Variants in ACOXL observed in about 807,000 individuals in gnomAD.
ACOXL encodes acyl-coenzyme A oxidase-like protein.
In ACOXL, 70 loss-of-function variants were observed where a neutral mutation model predicts 71.9. That is an observed-to-expected ratio of 0.97 (90% confidence interval 0.80 to 1.19). The LOEUF is 1.19. ACOXL is among the 50% of genes most tolerant of loss of function. The probability of loss-of-function intolerance (pLI) is 0.00; values close to 1 mark genes in which losing one functional copy is unlikely to be tolerated. For synonymous variants in ACOXL, 253 were observed against 281.6 expected, an observed-to-expected ratio of 0.90 and a Z score of 1.02; for missense variants, 703 against 736.3, an observed-to-expected ratio of 0.95 and a Z score of 0.52.
chr2:110,952,308 G>T (rs893343489), intron 12 of ACOXL, among the ~76,000 whole-genome samples: 1 of 152,040 alleles, frequency 6.6e-6, no homozygotes, highest in Non-Finnish European at 1.5e-5. Context: ...TGTTGTATGG[G>T]TATTTATGCC....
intron 15 of ACOXL, among the ~76,000 whole-genome samples, chr2:111,048,686 T>A (rs1442886571): frequency 1.3e-5 from 2 of 152,256 alleles, no homozygotes; most frequent in East Asian, 3.9e-4. Context: ...TTCTTGGGTT[T>A]CTCTTCCCTA....
intron 1 of ACOXL, among the ~76,000 whole-genome samples, chr2:110,760,959 G>A (rs2104906386): frequency 6.6e-6 from 1 of 152,308 alleles, no homozygotes; most frequent in African/African-American, 2.4e-5. Flanking sequence ...GAGAACTGGA[G>A]TGTCAAAGGG....
chr2:111,073,506 C>A (rs1384138819), intron 16 of ACOXL, among the ~76,000 whole-genome samples: 1 of 152,116 alleles, frequency 6.6e-6, no homozygotes, highest in East Asian at 1.9e-4. Context: ...ATTGTGATAT[C>A]TGTTGAAAAT....
chr2:110,997,928 G>A (rs944832025), intron 14 of ACOXL, among the ~76,000 whole-genome samples: 7 of 152,104 alleles, frequency 4.6e-5, no homozygotes, highest in African/African-American at 1.7e-4. Context: ...GCACATTCCT[G>A]TAGTACCAGC....
At chr2:110,866,329 C>T (rs1051538177) in intron 10 of ACOXL, among the ~76,000 whole-genome samples, 1 of 152,028 alleles carries the variant, frequency 6.6e-6, no homozygotes. Flanking sequence ...CTGACACCTG[C>T]TCTCAAAGGC....
At chr2:110,751,134 T>TA (rs1358630296) in intron 1 of ACOXL, among the ~76,000 whole-genome samples, 2 of 151,530 alleles carry the variant, frequency 1.3e-5, no homozygotes, top group Non-Finnish European at 2.9e-5. Context: ...CCATCTCTAC[T>TA]AAAAAAATAC....
intron 9 of ACOXL, among the ~76,000 whole-genome samples, chr2:110,820,209 T>C (rs935279338): frequency 9.2e-5 from 14 of 152,072 alleles, no homozygotes; most frequent in Non-Finnish European, 1.5e-5. Context: ...GTTTGAGTGC[T>C]GTGGGGTTGA....
intron 12 of ACOXL, among the ~76,000 whole-genome samples, chr2:110,947,872 T>A (rs1359690831): frequency 6.6e-6 from 1 of 152,234 alleles, no homozygotes; most frequent in East Asian, 1.9e-4. Context: ...CTGCAGTGTC[T>A]CCTGGCCCTT....
intron 10 of ACOXL, among the ~76,000 whole-genome samples, chr2:110,864,005 T>G (rs115545009): frequency 0.053 from 8,006 of 152,170 alleles, 302 homozygotes; most frequent in Middle Eastern, 0.12. Context: ...TCTTCACTAG[T>G]GAGGACAAGC....
intron 17 of ACOXL, chr2:111,098,562 T>C (rs2068939961): frequency 6.6e-6 from 1 of 152,192 alleles, no homozygotes; most frequent in Non-Finnish European, 1.5e-5. Context: ...GTATCATGTA[T>C]TGAATCCTGG....
chr2:110,767,632 A>G (rs73956438), intron 1 of ACOXL, among the ~76,000 whole-genome samples: 2 of 152,104 alleles, frequency 1.3e-5, no homozygotes, highest in Non-Finnish European at 2.9e-5. Flanking sequence ...GAAGCAGGTA[A>G]TCTCGAAGGC....
intron 2 of ACOXL, among the ~76,000 whole-genome samples, chr2:110,776,841 A>G (rs1387505813): frequency 2.0e-5 from 3 of 151,980 alleles, no homozygotes; most frequent in Non-Finnish European, 4.4e-5. Flanking sequence ...GAAATATACT[A>G]TATGAGAGGC....
At position 110,805,311 on chromosome 2, in the gene ACOXL, C is replaced by A; in HGVS notation, c.669C>A (p.Asn223Lys). The A allele has an allele frequency of 6.2e-7, 1 of 1,614,246 alleles. No homozygotes were observed. Among genetic ancestry groups the A allele is most frequent in the South Asian group, 1.1e-5 (1 of 91,084 alleles). ...GACAGTACCATTCGCCTATTAGGAA[C>A]AAGAGTGCAAGATTCAATGCCATGC... ...PDGQYHSPIR[N>K]KSARFNAMLA... The change falls in exon 9 of 18, where the codon AAC becomes AAA. Residue 223 changes from asparagine (N) to lysine (K), a missense_variant. Physicochemically the swap from Asn to Lys is moderately conservative, Grantham distance 94 (BLOSUM62 0). Transcript: ENST00000439055.
chr2:110,739,281 A>G lies in ACOXL; in HGVS notation c.-23+6507A>G, dbSNP rs113119042. On this transcript the variant is annotated intron_variant, in intron 1 of 17. Transcript: ENST00000439055. Reference sequence around the variant, plus strand: ...TCAGTATTGGTGTTTTGTTTAGGACAGGGTTAATTCCTCCAGTGATGAATC... The same window carrying G: ...TCAGTATTGGTGTTTTGTTTAGGACGGGGTTAATTCCTCCAGTGATGAATC... Among the ~76,000 whole-genome samples, 173 of 152,294 alleles carry G rather than the reference A, an allele frequency of 1.1e-3. 1 individual carries two copies. The highest frequency in any genetic ancestry group is 4.1e-3 in the African/African-American group (169 of 41,556).
At position 111,118,241 on chromosome 2, in the gene ACOXL, ACC is replaced by A. The variant is rs1189610818; in HGVS notation, c.*427_*428del. The stretch of plus-strand genomic sequence containing the variant: ...GTGAAAGAAAAAAAAAAAAGCAAAC[ACC>A]CTTAGACAAAAGAAAAAAGCTCCAC... On this transcript the variant is annotated 3_prime_UTR_variant, in exon 18 of 18. Transcript: ENST00000439055. 6.8e-5 allele frequency: 13 copies of A among 191,986 alleles called. No individual in the cohort carries two copies. The highest frequency in any genetic ancestry group is 4.3e-4 in the East Asian group (3 of 6,902). The allele number at this position is 191,986 out of a possible 1,614,324, so 11.9% of individuals were successfully genotyped here.
In ACOXL at chr2:110,987,117, C is replaced by T. The variant is rs561949547; in HGVS notation, c.1069C>T (p.Arg357Trp). ...RECTGGMVVG[R>W]ELLAQYTKQY... ...TAAACTCTTTGCACAGGTTGTGGGG[C>T]GGGAACTGCTGGCCCAATACACCAA... Residue 357 changes from arginine to tryptophan, a missense_variant, in exon 13 of 18, where the codon CGG (arginine) becomes TGG (tryptophan). Arg to Trp is a moderately radical substitution (Grantham distance 101, BLOSUM62 -3). Coordinates refer to ENST00000439055, the MANE Select transcript of ACOXL (RefSeq NM_001142807.4). 42 of 1,567,450 alleles carry T rather than the reference C, an allele frequency of 2.7e-5. No individual in the cohort carries two copies. In the South Asian group the frequency reaches 3.2e-4, roughly 12 times the overall value.
chr2:110,911,438 T>C (rs2059646619), intron 11 of ACOXL, among the ~76,000 whole-genome samples: 2 of 151,944 alleles, frequency 1.3e-5, no homozygotes, highest in Non-Finnish European at 2.9e-5. Context: ...TAGAGCAATA[T>C]CACTTATGAA....
At chr2:110,949,792 AG>A (rs2061254973) in intron 12 of ACOXL, among the ~76,000 whole-genome samples, 1 of 152,172 alleles carries the variant, frequency 6.6e-6, no homozygotes, top group African/African-American at 2.4e-5. Context: ...TTCCCATGGA[AG>A]GACGAACAAG....
chr2:110,814,711 A>G (rs1053917234), intron 9 of ACOXL, among the ~76,000 whole-genome samples: 5 of 152,218 alleles, frequency 3.3e-5, no homozygotes, highest in African/African-American at 4.8e-5. Flanking sequence ...TACATAGTAT[A>G]TGAGGATCAT....
Sources: gnomAD v4.1 joint callset for allele counts (sites outside exome capture counted in the v4.1 genomes callset) on GRCh38, gnomAD v4.1.1 for gene constraint, MANE v1.5 for transcripts, NCBI Gene and HGNC (gene_info 2026-07-23, HGNC 2026-07-21) for gene names.